Variants in PROM2 observed in about 807,000 individuals in gnomAD.
PROM2 encodes the protein prominin-2.
In PROM2, 90 loss-of-function variants were observed where a neutral mutation model predicts 110.2. The observed-to-expected ratio is 0.82, with a 90% confidence interval of 0.69 to 0.97. PROM2 has a LOEUF of 0.97. Ranked by LOEUF, PROM2 falls within the 50% of genes least tolerant of loss-of-function variation. The pLI is 0.00. For missense variants in PROM2, 1,009 were observed against 1,074.8 expected, an observed-to-expected ratio of 0.94 and a Z score of 0.86; for synonymous variants, 470 against 467.8, an observed-to-expected ratio of 1.00 and a Z score of -0.06.
In PROM2 at chr2:95,277,382, A is replaced by AC; in HGVS notation, c.793dup (p.His265ProfsTer32). On this transcript the variant is annotated frameshift_variant, in exon 7 of 24. Transcript: ENST00000317620. LOFTEE classifies it high-confidence loss of function. ...CTCTCAGTCCTGCAGGTCTCCGTGC[A>AC]CCACCTGCAAACCTTGAATGCTACA... 6.2e-7 allele frequency: 1 copy of AC among 1,612,672 alleles called. No individual in the cohort carries two copies. Among genetic ancestry groups the AC allele is most frequent in the Non-Finnish European group, 8.5e-7 (1 of 1,179,522 alleles).
chr2:95,277,481 T>G lies in PROM2; in HGVS notation c.890T>G (p.Leu297Arg). The G allele has an allele frequency of 6.2e-7, 1 of 1,612,526 alleles. No individual in the cohort carries two copies. Among genetic ancestry groups the G allele is most frequent in the Middle Eastern group, 1.7e-4 (1 of 5,938 alleles). ...GAACACCGGGACCGCCTCCTTGAGC[T>G]GCTGCAGGAGGCCAGGTGCCAGGGA... Reference protein sequence around the residue: ...IREHRDRLLELLQEARCQGDC... With the variant: ...IREHRDRLLERLQEARCQGDC... Residue 297 changes from leucine to arginine, a missense_variant, in exon 7 of 24, where the codon CTG becomes CGG. Transcript: ENST00000317620.
At chr2:95,282,924 G>A (rs1346142398) in intron 14 of PROM2, among the ~76,000 whole-genome samples, 3 of 151,930 alleles carry the variant, frequency 2.0e-5, no homozygotes, top group Non-Finnish European at 2.9e-5. Context: ...GGTTCCCCTC[G>A]CCCTCCCCAA....
Position 95,278,775 on chromosome 2 carries a change from G to A in PROM2, c.1105G>A (p.Val369Met), listed in dbSNP as rs1307658342. 30 of 1,613,922 alleles carry A rather than the reference G, an allele frequency of 1.9e-5. No individual in the cohort carries two copies. The highest frequency in any genetic ancestry group is 4.4e-5 in the South Asian group (4 of 91,090). The change falls in exon 9 of 24, where the codon GTG becomes ATG. Residue 369 changes from valine (V) to methionine (M), a missense_variant. Val to Met is a conservative substitution (Grantham distance 21). Transcript: ENST00000317620. ...CCTGGCTGCCATGCAGACATCCAGC[G>A]TGGTGCAAGGTTAGGCCACACGGGT... ...PALAAMQTSS[V>M]VQELKKAVAQ...
chr2:95,281,453 T>C, intron 12 of PROM2, 88 bp downstream of exon 12: 7 of 287,682 alleles, frequency 2.4e-5, no homozygotes, highest in Non-Finnish European at 3.0e-5. Flanking sequence ...AAAGTGGGGG[T>C]CGGGGGGTAA....
chr2:95,288,178 C>T, intron 20 of PROM2, 33 bp from the exon 21 acceptor site: 1 of 1,604,814 alleles, frequency 6.2e-7, no homozygotes, highest in Non-Finnish European at 8.5e-7. Flanking sequence ...GTCCAGGTGT[C>T]TCTGCATCAC....
Position 95,281,281 on chromosome 2 carries a change from C to A in PROM2, c.1467C>A (p.Ile489=). 1 of 1,613,204 alleles carries A rather than the reference C, an allele frequency of 6.2e-7. No individual in the cohort carries two copies. The highest frequency in any genetic ancestry group is 8.5e-7 in the Non-Finnish European group (1 of 1,179,874). ...GCTTCCTCTTTGCTGCACCCCTCAT[C>A]CTCCTGGTGTTCGCCACCTTCCTGG... ...GLSFLFAAPL[I]LLVFATFLVG... Residue 489 remains isoleucine, a synonymous_variant, in exon 12 of 24, where the codon ATC becomes ATA. Transcript: ENST00000317620.
At chr2:95,277,220 A>G in intron 6 of PROM2, 144 bp from the exon 7 acceptor site, 1 of 1,143,660 alleles carries the variant, frequency 8.7e-7, no homozygotes, top group Non-Finnish European at 1.2e-6. Flanking sequence ...CCCTGGCTTA[A>G]TGTGCCCTGG....
Position 95,278,554 on chromosome 2 carries a change from G to A in PROM2, c.1051-167G>A, listed in dbSNP as rs964667526. ...GGGAGGAGCAACGTTTTGGGAAGTT[G>A]AGTCAGACTGGGCCAGGGGATGGGA... On this transcript the variant is annotated intron_variant, in intron 8 of 23. Transcript: ENST00000317620. 32 of 742,050 alleles carry A rather than the reference G, an allele frequency of 4.3e-5. No individual in the cohort carries two copies. In the African/African-American group the frequency reaches 5.1e-4, roughly 12 times the overall value. The allele number at this position is 742,050 out of a possible 1,614,324, so 46.0% of individuals were successfully genotyped here.
rs1573447440 is a variant in PROM2, at chr2:95,277,527, C to T, written c.936C>T (p.Ser312=). The T allele has an allele frequency of 2.5e-6, 4 of 1,605,394 alleles. No homozygotes were observed. The East Asian group carries it at 8.9e-5, about 36-fold the overall frequency. Residue 312 remains serine, a synonymous_variant, in exon 7 of 24, where the codon AGC becomes AGT. Transcript: ENST00000317620. ...RCQGDCAGAL[S]WARTLELGAD... ...AGGGAGATTGTGCAGGGGCCCTGAG[C>T]TGGGCCCGCACCCTGGAGCTGGGTG...
chr2:95,285,200 G>A, intron 15 of PROM2, 85 bp downstream of exon 15: 1 of 1,388,884 alleles, frequency 7.2e-7, no homozygotes, highest in Non-Finnish European at 9.6e-7. Context: ...TGTGCATCTT[G>A]CCTTGTCCCA....
rs1192680675 is a variant in PROM2, at chr2:95,286,665, CCTCCCCTCCTCTCCCCTCCT to C, written c.2041-109_2041-90del. On this transcript the variant is annotated intron_variant, in intron 17 of 23. Coordinates refer to ENST00000317620, the MANE Select transcript of PROM2 (RefSeq NM_001165978.3). ...GGAGGGAAGTTCTGAGAGTCCCTTCCCTCCCCTCCTCTCCCCTCCTCTCCCCTCCTCTCCCCTCCTCTCCC... is the reference window on the plus strand; with the variant it reads ...GGAGGGAAGTTCTGAGAGTCCCTTCCCTCCCCTCCTCTCCCCTCCTCTCCC... 1.4e-3 allele frequency: 1,191 copies of C among 851,788 alleles called. 7 individuals are homozygous for C. The highest frequency in any genetic ancestry group is 9.0e-3 in the Middle Eastern group (26 of 2,892). The allele number at this position is 851,788 out of a possible 1,614,324, so 52.8% of individuals were successfully genotyped here. A position where few individuals can be genotyped will look rare whatever the true frequency, so the allele number is the denominator to read the frequency against.
At chr2:95,289,106 G>A (rs1233038535) in intron 23 of PROM2, 100 bp downstream of exon 23, 2 of 971,154 alleles carry the variant, frequency 2.1e-6, no homozygotes, top group Non-Finnish European at 3.2e-6. Context: ...TAGGAGGGCA[G>A]GAAGGCTTGG....
rs746873287 is a variant in PROM2, at chr2:95,281,921, CCA to C, written c.1552-3_1552-2del. ...GTGCCCATTTCTCACTGCCCCATCC[CCA>C]GTTTGCAGACACCCCAGGGAACCTG... On this transcript the variant is annotated splice_acceptor_variant and splice_polypyrimidine_tract_variant and intron_variant, in intron 12 of 23. Coordinates refer to ENST00000317620, the MANE Select transcript of PROM2 (RefSeq NM_001165978.3). LOFTEE classifies it high-confidence loss of function. The C allele has an allele frequency of 3.7e-6, 6 of 1,613,260 alleles. No homozygotes were observed. In the Admixed American group the frequency reaches 8.3e-5, roughly 22 times the overall value.
chr2:95,284,090 G>A (rs565909788), intron 14 of PROM2, among the ~76,000 whole-genome samples: 1 of 152,350 alleles, frequency 6.6e-6, no homozygotes, highest in South Asian at 2.1e-4. Context: ...GGAAGGCCAG[G>A]TCTTGGCATT....
chr2:95,275,966 G>T lies in PROM2; in HGVS notation c.331G>T (p.Val111Leu), dbSNP rs750808341. The change falls in exon 3 of 24, where the codon GTG becomes TTG. Residue 111 changes from valine (V) to leucine (L), a missense_variant. Val to Leu is a conservative substitution (Grantham distance 32, BLOSUM62 1). Coordinates refer to ENST00000317620, the MANE Select transcript of PROM2 (RefSeq NM_001165978.3). This position sits in a 1 kb window ranked among gnomAD's most constrained non-coding sequence, Gnocchi z 4.4. ...CGAGGCGGGCTACGTGGTATGCGCTGTGATCGCGGGCCTCTACCTGCTGCT... is the reference window on the plus strand; with the variant it reads ...CGAGGCGGGCTACGTGGTATGCGCTTTGATCGCGGGCCTCTACCTGCTGCT... The part of the protein sequence containing the change: ...RYEAGYVVCA[V>L]IAGLYLLLVP... 7.4e-6 allele frequency: 12 copies of T among 1,612,194 alleles called. No homozygotes were observed. Among genetic ancestry groups the T allele is most frequent in the Non-Finnish European group, 9.3e-6 (11 of 1,179,780 alleles).
Position 95,286,796 on chromosome 2 carries a change from C to A in PROM2, c.2041-8C>A, listed in dbSNP as rs1367893559. 9.9e-6 allele frequency: 16 copies of A among 1,612,556 alleles called. No individual in the cohort carries two copies. Among genetic ancestry groups the A allele is most frequent in the Non-Finnish European group, 1.4e-5 (16 of 1,179,410 alleles). On this transcript the variant is annotated splice_polypyrimidine_tract_variant and splice_region_variant and intron_variant, in intron 17 of 23. Coordinates refer to ENST00000317620, the MANE Select transcript of PROM2 (RefSeq NM_001165978.3). ...CTCCCCTAACCAGCCCTGATCTCTT[C>A]TCCACAGGCAAAGCTCAACCTCAGC...
In PROM2 at chr2:95,275,104, G is replaced by A. The variant is rs1278180424; in HGVS notation, c.244+275G>A. 2 of 482,174 alleles carry A rather than the reference G, an allele frequency of 4.1e-6. No individual in the cohort carries two copies. Among genetic ancestry groups the A allele is most frequent in the Non-Finnish European group, 7.2e-6 (2 of 277,346 alleles). The allele number at this position is 482,174 out of a possible 1,614,324, so 29.9% of individuals were successfully genotyped here. ...GACTCAGACATCCTCTTAGTCTATC[G>A]GTGCTTGGGTTGGGTGGTCCAGGAG... On this transcript the variant is annotated intron_variant, in intron 1 of 23. Transcript: ENST00000317620. This position sits in a 1 kb window ranked among gnomAD's most constrained non-coding sequence, Gnocchi z 4.4.
Position 95,279,990 on chromosome 2 carries a change from C to A in PROM2, c.1420C>A (p.Leu474Ile). Residue 474 changes from leucine (L) to isoleucine (I), a missense_variant, in exon 11 of 24, where the codon CTC becomes ATC. By Grantham distance (5) the Leu-to-Ile change is conservative. Transcript: ENST00000317620. ...EAKGEAGARFLMAGVGLSFLF... is the reference protein window; with the variant it reads ...EAKGEAGARFIMAGVGLSFLF... ...CAAGGGCGAGGCTGGAGCCCGCTTC[C>A]TCATGGCGTAAGAAAGGGCTGGGAG... The A allele has an allele frequency of 6.9e-7, 1 of 1,455,448 alleles. No homozygotes were observed. The allele number at this position is 1,455,448 out of a possible 1,614,324, so 90.2% of individuals were successfully genotyped here.
Position 95,275,596 on chromosome 2 carries a change from C to A in PROM2, c.294+86C>A. 2 of 1,518,992 alleles carry A rather than the reference C, an allele frequency of 1.3e-6. No homozygotes were observed. Among genetic ancestry groups the A allele is most frequent in the Admixed American group, 3.6e-5 (2 of 55,468 alleles). The allele number at this position is 1,518,992 out of a possible 1,614,324, so 94.1% of individuals were successfully genotyped here. ...GCAGAAAAGCCTTGGCTCCCCTTAGCCCACCTCGCTGGGTGTCCACTAGGC... is the reference window on the plus strand; with the variant it reads ...GCAGAAAAGCCTTGGCTCCCCTTAGACCACCTCGCTGGGTGTCCACTAGGC... On this transcript the variant is annotated intron_variant, in intron 2 of 23. Coordinates refer to ENST00000317620, the MANE Select transcript of PROM2 (RefSeq NM_001165978.3). The surrounding 1 kb of genome is among the most constrained non-coding windows in gnomAD (Gnocchi z 4.4).
Sources: allele counts gnomAD v4.1 joint callset (sites outside exome capture counted in the v4.1 genomes callset), GRCh38; gene constraint gnomAD v4.1.1; non-coding constraint Gnocchi (gnomAD v3.1); transcripts MANE v1.5; gene names NCBI Gene and HGNC (gene_info 2026-07-23, HGNC 2026-07-21).